TNNI3K: variants seen among roughly 807,000 people sequenced by gnomAD.
TNNI3K encodes the protein serine/threonine-protein kinase TNNI3K.
In TNNI3K, 140 loss-of-function variants were observed where a neutral mutation model predicts 114.5. The ratio of observed to expected loss-of-function variants is 1.22; its 90% CI spans 1.07 to 1.41. TNNI3K has a LOEUF of 1.41. TNNI3K is among the 40% of genes most tolerant of loss of function. TNNI3K has a pLI of 0.00. For missense variants in TNNI3K, 1,125 were observed against 1,007.6 expected, an observed-to-expected ratio of 1.12 and a Z score of -1.58; for synonymous variants, 347 against 347.5, an observed-to-expected ratio of 1.00 and a Z score of 0.02.
At chr1:74,390,965 G>GAA (rs10672464) in intron 17 of TNNI3K, among the ~76,000 whole-genome samples, 119,498 of 131,670 alleles carry the variant, frequency 0.91, 54,454 homozygotes, top group Non-Finnish European at 0.94. Flanking sequence ...ATTTTTTTCC[G>GAA]AAAAAAAAAA....
intron 9 of TNNI3K, among the ~76,000 whole-genome samples, chr1:74,350,983 T>C (rs942429723): frequency 1.3e-5 from 2 of 152,002 alleles, no homozygotes; most frequent in African/African-American, 2.4e-5. Flanking sequence ...GTTAGTATTG[T>C]TATGTGTGAA....
At chr1:74,339,155 A>G (rs1660628557) in intron 7 of TNNI3K, among the ~76,000 whole-genome samples, 1 of 152,150 alleles carries the variant, frequency 6.6e-6, no homozygotes, top group African/African-American at 2.4e-5. Context: ...AAAGGCATTG[A>G]AATGTGTAAT....
chr1:74,458,739 T>G (rs940257507), intron 20 of TNNI3K, among the ~76,000 whole-genome samples: 1 of 152,212 alleles, frequency 6.6e-6, no homozygotes, highest in Non-Finnish European at 1.5e-5. Flanking sequence ...ATAACACTTT[T>G]AGTGCCTATG....
chr1:74,407,896 A>T (rs1445684893), intron 17 of TNNI3K, among the ~76,000 whole-genome samples: 13 of 152,150 alleles, frequency 8.5e-5, no homozygotes. Context: ...CCTTTTGCAG[A>T]CCCTACAGGT....
chr1:74,334,003 A>G (rs1159965242), intron 6 of TNNI3K, among the ~76,000 whole-genome samples: 1 of 152,194 alleles, frequency 6.6e-6, no homozygotes, highest in Admixed American at 6.5e-5. Flanking sequence ...GATAAAATGC[A>G]CATGCTCCAA....
intron 4 of TNNI3K, among the ~76,000 whole-genome samples, chr1:74,254,628 A>G (rs1221888918): frequency 6.6e-6 from 1 of 152,172 alleles, no homozygotes; most frequent in Non-Finnish European, 1.5e-5. Flanking sequence ...TGTTCACTAC[A>G]TCAAATAGCT....
intron 17 of TNNI3K, among the ~76,000 whole-genome samples, chr1:74,391,625 T>C (rs1231139364): frequency 6.6e-6 from 1 of 152,292 alleles, no homozygotes; most frequent in African/African-American, 2.4e-5. Context: ...AATGCAAATC[T>C]AAGCTCAGAA....
intron 21 of TNNI3K, chr1:74,464,759 T>C: frequency 6.4e-7 from 1 of 1,558,524 alleles, no homozygotes; most frequent in Non-Finnish European, 8.7e-7. Context: ...ATCCTGGCCA[T>C]TCAACCTGAT....
chr1:74,471,723 A>T (rs1376975732), intron 21 of TNNI3K: 1 of 402,816 alleles, frequency 2.5e-6, no homozygotes, highest in East Asian at 3.6e-5. Context: ...TCTTTGGGGA[A>T]TATGCTTTCT....
chr1:74,276,122 G>A (rs963805964), intron 5 of TNNI3K, among the ~76,000 whole-genome samples: 1 of 151,946 alleles, frequency 6.6e-6, no homozygotes, highest in Non-Finnish European at 1.5e-5. Context: ...TCAATTTGGA[G>A]GAAAAATCAA....
chr1:74,438,250 G>T (rs1365262757), intron 19 of TNNI3K, among the ~76,000 whole-genome samples: 2 of 151,842 alleles, frequency 1.3e-5, no homozygotes, highest in African/African-American at 4.8e-5. Context: ...GTGACACAAT[G>T]CATAATCTGC....
chr1:74,422,850 A>AG (rs1195810247), intron 17 of TNNI3K, among the ~76,000 whole-genome samples: 5 of 152,268 alleles, frequency 3.3e-5, no homozygotes, highest in African/African-American at 9.6e-5. Flanking sequence ...TGTGCTGGAT[A>AG]GCTCGTAGAC....
chr1:74,328,310 A>G (rs1002732356), intron 5 of TNNI3K, among the ~76,000 whole-genome samples: 5 of 151,166 alleles, frequency 3.3e-5, no homozygotes, highest in African/African-American at 1.2e-4. Context: ...TGATTTACCA[A>G]CTTTTTCAGG....
intron 23 of TNNI3K, among the ~76,000 whole-genome samples, chr1:74,503,499 G>A (rs1295721704): frequency 6.6e-6 from 1 of 152,128 alleles, no homozygotes. Context: ...CTTACTCAGT[G>A]ACACTGTTGA....
intron 21 of TNNI3K, chr1:74,464,712 T>C: frequency 6.3e-7 from 1 of 1,589,528 alleles, no homozygotes; most frequent in Non-Finnish European, 8.6e-7. Flanking sequence ...AAGATCGTTT[T>C]GGGATGTGGA....
chr1:74,429,043 C>T (rs1665769722), intron 17 of TNNI3K, among the ~76,000 whole-genome samples: 1 of 152,046 alleles, frequency 6.6e-6, no homozygotes, highest in Admixed American at 6.6e-5. Flanking sequence ...CTATCTGCAG[C>T]CCAAATTGTG....
intron 20 of TNNI3K, among the ~76,000 whole-genome samples, chr1:74,459,794 A>T (rs1445157766): frequency 1.3e-5 from 2 of 152,154 alleles, no homozygotes; most frequent in African/African-American, 2.4e-5. Context: ...TCTTTTCTTG[A>T]TAAAGTATCG....
intron 5 of TNNI3K, among the ~76,000 whole-genome samples, chr1:74,315,102 CT>C (rs1659236225): frequency 6.6e-6 from 1 of 152,106 alleles, no homozygotes; most frequent in South Asian, 2.1e-4. Flanking sequence ...TGCATATACT[CT>C]GTGATTTGCA....
At chr1:74,312,546 TC>T (rs1659052678) in intron 5 of TNNI3K, among the ~76,000 whole-genome samples, 1 of 152,250 alleles carries the variant, frequency 6.6e-6, no homozygotes, top group Non-Finnish European at 1.5e-5. Flanking sequence ...GACAATGAGA[TC>T]TTGTATATTT....
Sources: allele counts gnomAD v4.1 joint callset (sites outside exome capture counted in the v4.1 genomes callset), GRCh38; gene constraint gnomAD v4.1.1; transcripts MANE v1.5; gene names NCBI Gene and HGNC (gene_info 2026-07-23, HGNC 2026-07-21).